The following CD2AP variants were observed in gnomAD, a reference collection of about 807,000 sequenced individuals.
The protein encoded by CD2AP is CD2 associated protein.
CD2AP carries 46 observed loss-of-function variants against 85.1 expected under a neutral mutation model. That is an observed-to-expected ratio of 0.54 (90% confidence interval 0.43 to 0.69). CD2AP has a LOEUF of 0.69. CD2AP is among the 30% of genes least tolerant of loss of function. CD2AP has a pLI of 0.00. For synonymous variants in CD2AP, 255 were observed against 252.9 expected (o/e 1.01, Z -0.08); for missense variants, 769 against 729.5 (o/e 1.05, Z -0.62).
chr6:47,561,029 A>G (rs1239007156), intron 5 of CD2AP, among the ~76,000 whole-genome samples: 1 of 152,136 alleles, frequency 6.6e-6, no homozygotes, highest in African/African-American at 2.4e-5. Flanking sequence ...TGTTTTATTC[A>G]TCAGGTATCA....
Position 47,576,572 on chromosome 6 carries a change from A to G in CD2AP, c.778A>G (p.Thr260Ala). ...ACCCAAAACTCAGAGTGTGGAGATAACAAAAACAGATACCGAAGGTAAAAT... is the reference window on the plus strand; with the variant it reads ...ACCCAAAACTCAGAGTGTGGAGATAGCAAAAACAGATACCGAAGGTAAAAT... ...LGPKTQSVEITKTDTEGKIKA... is the reference protein window; with the variant it reads ...LGPKTQSVEIAKTDTEGKIKA... Residue 260 changes from threonine to alanine, a missense_variant, in exon 7 of 18, where the codon ACA becomes GCA. By Grantham distance (58) the Thr-to-Ala change is moderately conservative (BLOSUM62 0). Coordinates refer to ENST00000359314, the MANE Select transcript of CD2AP (RefSeq NM_012120.3). The G allele has an allele frequency of 6.2e-7, 1 of 1,612,460 alleles. No individual in the cohort carries two copies. Among genetic ancestry groups the G allele is most frequent in the African/African-American group, 1.3e-5 (1 of 75,012 alleles).
At chr6:47,485,226 G>A (rs1406782657) in intron 1 of CD2AP, among the ~76,000 whole-genome samples, 2 of 152,052 alleles carry the variant, frequency 1.3e-5, no homozygotes, top group African/African-American at 4.8e-5. Flanking sequence ...GGTCCTTCAG[G>A]GGGTATTCCA....
intron 1 of CD2AP, among the ~76,000 whole-genome samples, chr6:47,483,155 C>T (rs886659438): frequency 6.6e-6 from 1 of 152,190 alleles, no homozygotes; most frequent in African/African-American, 2.4e-5. Context: ...TGATATCTGA[C>T]TGCTATTCAG....
At chr6:47,565,634 C>CT (rs1767972559) in intron 5 of CD2AP, among the ~76,000 whole-genome samples, 1 of 152,122 alleles carries the variant, frequency 6.6e-6, no homozygotes, top group African/African-American at 2.4e-5. Flanking sequence ...ATTCATCCTT[C>CT]TTTTACTCAG....
chr6:47,552,592 A>G (rs968673829), intron 4 of CD2AP, among the ~76,000 whole-genome samples: 6 of 152,066 alleles, frequency 3.9e-5, no homozygotes, highest in Admixed American at 6.5e-5. Context: ...TATTTTTGCA[A>G]TTGCAGATTG....
At chr6:47,564,161 C>A (rs1231286017) in intron 5 of CD2AP, among the ~76,000 whole-genome samples, 1 of 152,046 alleles carries the variant, frequency 6.6e-6, no homozygotes, top group African/African-American at 2.4e-5. Context: ...TACATAAGTA[C>A]CAAAAACACG....
At chr6:47,604,140 G>C (rs1178364642) in intron 13 of CD2AP, among the ~76,000 whole-genome samples, 3 of 152,094 alleles carry the variant, frequency 2.0e-5, no homozygotes, top group African/African-American at 7.2e-5. Flanking sequence ...GCAACGTGCA[G>C]ATTGTAAGTG....
In CD2AP at chr6:47,484,283, A is replaced by G. The variant is rs1248136597; in HGVS notation, c.4+6035A>G. Among the ~76,000 whole-genome samples, 6 of 151,928 alleles carry G rather than the reference A, an allele frequency of 3.9e-5. No individual in the cohort carries two copies. The East Asian group carries it at 1.2e-3, about 29-fold the overall frequency. On this transcript the variant is annotated intron_variant, in intron 1 of 17. Coordinates refer to ENST00000359314, the MANE Select transcript of CD2AP (RefSeq NM_012120.3). ...TTGAATCATAACCTTGGTTTTAACC[A>G]CAAATGAAGTAGGCATTTTCCTTCT...
intron 13 of CD2AP, among the ~76,000 whole-genome samples, chr6:47,600,651 G>C (rs373233653): frequency 2.7e-4 from 41 of 151,982 alleles, no homozygotes; most frequent in African/African-American, 9.9e-4. Flanking sequence ...TATTCGGTAT[G>C]TTTTATATGG....
intron 2 of CD2AP, among the ~76,000 whole-genome samples, chr6:47,526,464 T>C (rs1766731110): frequency 6.6e-6 from 1 of 152,202 alleles, no homozygotes; most frequent in Non-Finnish European, 1.5e-5. Context: ...CTATAAGATT[T>C]TTTAAGTTGC....
chr6:47,614,446 G>A (rs1439779815), intron 17 of CD2AP, among the ~76,000 whole-genome samples: 2 of 152,176 alleles, frequency 1.3e-5, no homozygotes, highest in Non-Finnish European at 2.9e-5. Context: ...GGGGGAGAGA[G>A]TCAGAAGAAA....
intron 14 of CD2AP, 67 bp from the exon 15 acceptor site, chr6:47,607,860 C>T: frequency 9.5e-7 from 1 of 1,051,936 alleles, no homozygotes; most frequent in Non-Finnish European, 1.4e-6. Flanking sequence ...GCTTTATTAT[C>T]CAAAGACTTA....
At chr6:47,585,539 C>T (rs1442797878) in intron 11 of CD2AP, among the ~76,000 whole-genome samples, 2 of 152,102 alleles carry the variant, frequency 1.3e-5, no homozygotes, top group African/African-American at 4.8e-5. Context: ...TTACAGGCAG[C>T]AGAAAGGAGG....
intron 5 of CD2AP, among the ~76,000 whole-genome samples, chr6:47,568,708 C>T (rs34744382): frequency 0.27 from 40,851 of 151,954 alleles, 5,680 homozygotes; most frequent in African/African-American, 0.33. Context: ...TGTGCCATTG[C>T]ACTCCAGCCT....
At chr6:47,479,454 T>G (rs1765390891) in intron 1 of CD2AP, among the ~76,000 whole-genome samples, 1 of 152,226 alleles carries the variant, frequency 6.6e-6, no homozygotes, top group South Asian at 2.1e-4. Flanking sequence ...TCTAATTTTA[T>G]GTTCCCTTCT....
At chr6:47,568,144 T>C (rs1195722808) in intron 5 of CD2AP, among the ~76,000 whole-genome samples, 1 of 152,170 alleles carries the variant, frequency 6.6e-6, no homozygotes, top group Non-Finnish European at 1.5e-5. Context: ...CTTTGTAAGA[T>C]GGAGATGTCA....
rs145906622 is a variant in CD2AP, at chr6:47,583,850, A to C, written c.1108+1785A>C. On this transcript the variant is annotated intron_variant, in intron 11 of 17. Coordinates refer to ENST00000359314, the MANE Select transcript of CD2AP (RefSeq NM_012120.3). The stretch of plus-strand genomic sequence containing the variant: ...TAGGCGCAACTGCCAAACTTCTTCC[A>C]ATGTGGCTGAACCATTTTGTACTCC... Among the ~76,000 whole-genome samples, 430 of 152,332 alleles carry C rather than the reference A, an allele frequency of 2.8e-3. 1 individual carries two copies. Among genetic ancestry groups the C allele is most frequent in the African/African-American group, 9.9e-3 (413 of 41,576 alleles).
chr6:47,535,131 T>G (rs1197303340), intron 3 of CD2AP, among the ~76,000 whole-genome samples: 1 of 152,150 alleles, frequency 6.6e-6, no homozygotes, highest in Non-Finnish European at 1.5e-5. Flanking sequence ...GTCAATTTGA[T>G]TTAACCCATC....
chr6:47,612,612 C>A, intron 17 of CD2AP, 76 bp downstream of exon 17: 1 of 952,332 alleles, frequency 1.1e-6, no homozygotes, highest in South Asian at 1.4e-5. Context: ...ACTGGGTAAT[C>A]GGTTCCTGTA....
Sources: gnomAD v4.1 joint callset for allele counts (sites outside exome capture counted in the v4.1 genomes callset) on GRCh38, gnomAD v4.1.1 for gene constraint, MANE v1.5 for transcripts, NCBI Gene and HGNC (gene_info 2026-07-23, HGNC 2026-07-21) for gene names.